Variants in LMBR1 observed in about 807,000 individuals in gnomAD.
LMBR1 encodes the protein limb development membrane protein 1.
In LMBR1, 52 loss-of-function variants were observed where a neutral mutation model predicts 73.9. The ratio of observed to expected loss-of-function variants is 0.70; its 90% CI spans 0.56 to 0.89. The LOEUF (loss-of-function observed/expected upper bound fraction) is 0.89, where lower values mean the gene tolerates loss of function less well. Ranked by LOEUF, LMBR1 falls within the 40% of genes least tolerant of loss-of-function variation. The pLI is 0.00. For missense variants in LMBR1, 539 were observed against 579.8 expected, an observed-to-expected ratio of 0.93 and a Z score of 0.72; for synonymous variants, 215 against 209.4, an observed-to-expected ratio of 1.03 and a Z score of -0.23.
intron 3 of LMBR1, among the ~76,000 whole-genome samples, chr7:156,828,271 C>A (rs1836052880): frequency 1.3e-5 from 2 of 152,174 alleles, no homozygotes; most frequent in Admixed American, 1.3e-4. Flanking sequence ...CTTCTTGCCC[C>A]TCTGCACAGT....
chr7:156,728,130 T>C, intron 11 of LMBR1, 123 bp from the exon 12 acceptor site: 2 of 646,938 alleles, frequency 3.1e-6, no homozygotes, highest in Non-Finnish European at 5.3e-6. Context: ...AAACGCTATA[T>C]ATAAAACTAA....
intron 4 of LMBR1, chr7:156,823,731 A>G (rs1404394786): frequency 2.0e-5 from 3 of 152,248 alleles, no homozygotes; most frequent in Admixed American, 2.0e-4. Context: ...GAAGAACATA[A>G]AAGGTATGGA....
chr7:156,816,254 G>A (rs1211137069), intron 4 of LMBR1, among the ~76,000 whole-genome samples: 2 of 151,716 alleles, frequency 1.3e-5, no homozygotes. Flanking sequence ...TGCCCAGGCT[G>A]GAGTGCAGTG....
chr7:156,714,227 G>A (rs1246475508), intron 15 of LMBR1, among the ~76,000 whole-genome samples: 1 of 152,196 alleles, frequency 6.6e-6, no homozygotes. Flanking sequence ...AAAAGCCATT[G>A]GATAGAATGT....
At chr7:156,869,491 T>C (rs925914099) in intron 1 of LMBR1, among the ~76,000 whole-genome samples, 1 of 151,888 alleles carries the variant, frequency 6.6e-6, no homozygotes, top group African/African-American at 2.4e-5. Context: ...GGAAAGAACA[T>C]AAAATACCTA....
intron 5 of LMBR1, among the ~76,000 whole-genome samples, chr7:156,793,296 A>G (rs1829544504): frequency 6.6e-6 from 1 of 152,270 alleles, no homozygotes; most frequent in African/African-American, 2.4e-5. Context: ...GCTCAAATGT[A>G]TGCTTAACAC....
At chr7:156,704,905 TAAAG>T (rs534230054) in intron 15 of LMBR1, among the ~76,000 whole-genome samples, 81 of 150,758 alleles carry the variant, frequency 5.4e-4, no homozygotes, top group African/African-American at 1.8e-3. Flanking sequence ...CAGACAAAAA[TAAAG>T]AAAAAGGAAC....
In LMBR1 at chr7:156,762,125, AAT is replaced by A. The variant is rs1428402310; in HGVS notation, c.684+7_684+8del. 12 of 1,540,586 alleles carry A rather than the reference AAT, an allele frequency of 7.8e-6. No individual in the cohort carries two copies. Among genetic ancestry groups the A allele is most frequent in the African/African-American group, 5.4e-5 (4 of 73,416 alleles). On this transcript the variant is annotated splice_region_variant and intron_variant, in intron 8 of 16. Transcript: ENST00000353442. ...TAATAAACAAAATGATTTATAATTA[AAT>A]ACTTACTGTTGGCTTCACTAGCAAC...
intron 1 of LMBR1, among the ~76,000 whole-genome samples, chr7:156,868,778 C>A (rs1798846464): frequency 6.6e-6 from 1 of 152,040 alleles, no homozygotes; most frequent in Non-Finnish European, 1.5e-5. Context: ...CCAGCCTGGG[C>A]AACATGGTGA....
rs1809551557 is a variant in LMBR1 at position 156,700,974 on chromosome 7, A to G, written c.1226-12783T>C. Among the ~76,000 whole-genome samples the G allele has an allele frequency of 2.6e-5, 4 of 152,320 alleles. No homozygotes were observed. The South Asian group carries it at 8.3e-4, about 32-fold the overall frequency. The stretch of plus-strand genomic sequence containing the variant: ...AAGGCACTTCTTACATGGCAGCAGC[A>G]AGAGAGAATGTGAGCTTGTGCAGGG... On this transcript the variant is annotated intron_variant, in intron 15 of 16. Transcript: ENST00000353442.
chr7:156,836,554 A>C (rs2133920752), intron 2 of LMBR1, among the ~76,000 whole-genome samples: 1 of 152,314 alleles, frequency 6.6e-6, no homozygotes, highest in Middle Eastern at 3.4e-3. Flanking sequence ...AATTTCCCAG[A>C]TACTAAATAG....
At position 156,756,530 on chromosome 7, in the gene LMBR1, T is replaced by C. The variant is rs528176508; in HGVS notation, c.685-65A>G. The C allele has an allele frequency of 1.1e-3, 872 of 789,104 alleles. 1 individual carries two copies. The highest frequency in any genetic ancestry group is 1.7e-3 in the Non-Finnish European group (782 of 471,962). 48.9% of individuals were successfully genotyped at this position (789,104 alleles called of 1,614,324 possible). Reference sequence around the variant, plus strand: ...TAAAACGAATGCTTATGAGACCATTTAGGCTATTTGGTCAATTTATTTTAG... The same window carrying C: ...TAAAACGAATGCTTATGAGACCATTCAGGCTATTTGGTCAATTTATTTTAG... On this transcript the variant is annotated intron_variant, in intron 8 of 16. Coordinates refer to ENST00000353442, the MANE Select transcript of LMBR1 (RefSeq NM_022458.4).
At position 156,837,404 on chromosome 7, in the gene LMBR1, C is replaced by T. The variant is rs79998609; in HGVS notation, c.67-519G>A. Among the ~76,000 whole-genome samples, 124 of 148,108 alleles carry T rather than the reference C, an allele frequency of 8.4e-4. 3 individuals are homozygous for T. Among genetic ancestry groups the T allele is most frequent in the African/African-American group, 2.9e-3 (117 of 40,170 alleles). ...ACTAGTCAATTAGCCCCATTTAATA[C>T]CATTTGAAAAAAAAAAAAAGCCCAA... On this transcript the variant is annotated intron_variant, in intron 1 of 16. Coordinates refer to ENST00000353442, the MANE Select transcript of LMBR1 (RefSeq NM_022458.4).
intron 5 of LMBR1, among the ~76,000 whole-genome samples, chr7:156,787,509 C>T (rs767684109): frequency 2.0e-5 from 3 of 152,162 alleles, no homozygotes; most frequent in African/African-American, 7.2e-5. Context: ...CATATATAAT[C>T]AGGCTCAAAT....
chr7:156,761,820 C>CA (rs991917266), intron 8 of LMBR1, among the ~76,000 whole-genome samples: 23 of 151,548 alleles, frequency 1.5e-4, no homozygotes, highest in African/African-American at 5.3e-4. Context: ...ACTAAAAATA[C>CA]AAAAAAATTA....
At chr7:156,796,194 GTCTC>G (rs1585846285) in intron 5 of LMBR1, among the ~76,000 whole-genome samples, 191 bp downstream of exon 5, 1 of 152,192 alleles carries the variant, frequency 6.6e-6, no homozygotes, top group Non-Finnish European at 1.5e-5. Flanking sequence ...TCTAAAAGAT[GTCTC>G]TCTCTCATGG....
intron 15 of LMBR1, among the ~76,000 whole-genome samples, chr7:156,707,487 T>C (rs1016782309): frequency 3.3e-5 from 5 of 152,098 alleles, no homozygotes; most frequent in African/African-American, 4.8e-5. Flanking sequence ...ATTAGCAAAC[T>C]GAATCCAACA....
chr7:156,862,376 T>C (rs1316268486), intron 1 of LMBR1, among the ~76,000 whole-genome samples: 1 of 151,938 alleles, frequency 6.6e-6, no homozygotes, highest in Non-Finnish European at 1.5e-5. Flanking sequence ...CCACGACACA[T>C]GAGAATTGTA....
chr7:156,742,624 T>C (rs556221217), intron 9 of LMBR1, among the ~76,000 whole-genome samples: 2 of 151,986 alleles, frequency 1.3e-5, no homozygotes, highest in South Asian at 2.1e-4. Context: ...TAATAAAAAG[T>C]TTCCCAATAA....
Sources: allele counts gnomAD v4.1 joint callset (sites outside exome capture counted in the v4.1 genomes callset), GRCh38; gene constraint gnomAD v4.1.1; transcripts MANE v1.5; gene names NCBI Gene and HGNC (gene_info 2026-07-23, HGNC 2026-07-21).